The following MIGA1 variants were observed in gnomAD, a reference collection of about 807,000 sequenced individuals.
MIGA1 encodes the protein mitoguardin 1, also known as family with sequence similarity 73, member A.
In MIGA1, 58 loss-of-function variants were observed where a neutral mutation model predicts 82.0. The observed-to-expected ratio is 0.71, with a 90% CI of 0.57 to 0.88. MIGA1 has a LOEUF of 0.88. Ranked by LOEUF, MIGA1 falls within the 40% of genes least tolerant of loss-of-function variation. The pLI, the probability that MIGA1 is intolerant of heterozygous loss-of-function variation, is 0.00. For missense variants in MIGA1, 751 were observed against 749.1 expected (o/e 1.00, Z -0.03); for synonymous variants, 249 against 253.6 (o/e 0.98, Z 0.17).
rs1646914463 is a variant in MIGA1 at position 77,878,837 on chromosome 1, T to C, written c.*3773T>C. Reference sequence around the variant, plus strand: ...AGTTTTCCATACTGTCACAGTAAGCTCCAAAGAACTTTGTCTTTCTCATAA... The same window carrying C: ...AGTTTTCCATACTGTCACAGTAAGCCCCAAAGAACTTTGTCTTTCTCATAA... On this transcript the variant is annotated 3_prime_UTR_variant, in exon 16 of 16. Coordinates refer to ENST00000370791, the MANE Select transcript of MIGA1 (RefSeq NM_198549.4). 1.0e-5 allele frequency: 4 copies of C among 381,036 alleles called. No individual in the cohort carries two copies. The highest frequency in any genetic ancestry group is 6.7e-4 in the Middle Eastern group (1 of 1,486). The allele number at this position is 381,036 out of a possible 1,614,324, so 23.6% of individuals were successfully genotyped here. A position where few individuals can be genotyped will look rare whatever the true frequency, so the allele number is the denominator to read the frequency against.
chr1:77,787,631 T>A (rs1275447549), intron 2 of MIGA1, among the ~76,000 whole-genome samples: 3 of 151,988 alleles, frequency 2.0e-5, no homozygotes, highest in Non-Finnish European at 1.5e-5. Context: ...TCAGGTGATC[T>A]GCCCGCCTCC....
At chr1:77,851,141 G>T (rs1193499935) in intron 8 of MIGA1, among the ~76,000 whole-genome samples, 1 of 152,120 alleles carries the variant, frequency 6.6e-6, no homozygotes, top group African/African-American at 2.4e-5. Flanking sequence ...AAAGTGCTAG[G>T]ATTACAGGCA....
chr1:77,813,925 T>C, intron 6 of MIGA1, 58 bp downstream of exon 6: 1 of 1,589,608 alleles, frequency 6.3e-7, no homozygotes, highest in Non-Finnish European at 8.6e-7. Context: ...ACTTTTTTTT[T>C]GTTTTTTTGG....
At chr1:77,821,164 C>G (rs1318948402) in intron 7 of MIGA1, among the ~76,000 whole-genome samples, 1 of 151,598 alleles carries the variant, frequency 6.6e-6, no homozygotes, top group Non-Finnish European at 1.5e-5. Flanking sequence ...AAATTCTGGA[C>G]ATTATAATAA....
At chr1:77,804,701 C>T (rs1368712979) in intron 4 of MIGA1, among the ~76,000 whole-genome samples, 2 of 151,340 alleles carry the variant, frequency 1.3e-5, no homozygotes, top group Non-Finnish European at 2.9e-5. Flanking sequence ...TGGAACTCAG[C>T]TCATTGCAAC....
chr1:77,817,132 C>A (rs1199021325), intron 7 of MIGA1, among the ~76,000 whole-genome samples: 1 of 152,072 alleles, frequency 6.6e-6, no homozygotes, highest in Non-Finnish European at 1.5e-5. Flanking sequence ...CATGCCTGGG[C>A]ACATTTTTTC....
chr1:77,877,552 C>G lies in MIGA1; in HGVS notation c.*2488C>G, dbSNP rs1646903614. On this transcript the variant is annotated 3_prime_UTR_variant, in exon 16 of 16. Coordinates refer to ENST00000370791, the MANE Select transcript of MIGA1 (RefSeq NM_198549.4). ...TTGCGGTATCTTTGGCCTTCACACA[C>G]ACATGTGTGCGTGCACGTGCATTTC... is the stretch of plus-strand genomic sequence containing the variant. 1 of 152,532 alleles carries G rather than the reference C, an allele frequency of 6.6e-6. No individual in the cohort carries two copies. Among genetic ancestry groups the G allele is most frequent in the South Asian group, 2.1e-4 (1 of 4,832 alleles). The allele number at this position is 152,532 out of a possible 1,614,324, so 9.4% of individuals were successfully genotyped here.
intron 4 of MIGA1, among the ~76,000 whole-genome samples, chr1:77,806,273 A>C (rs905432377): frequency 4.6e-5 from 7 of 152,226 alleles, no homozygotes; most frequent in Non-Finnish European, 1.0e-4. Context: ...GAACATAGAA[A>C]AAGTACAGTA....
At chr1:77,869,941 G>C (rs1229116461) in intron 14 of MIGA1, among the ~76,000 whole-genome samples, 1 of 134,718 alleles carries the variant, frequency 7.4e-6, no homozygotes, top group African/African-American at 2.8e-5. Context: ...CCTCCCGGAC[G>C]GGGCGGCTGG....
At chr1:77,808,400 C>CTACA (rs963878557) in intron 5 of MIGA1, among the ~76,000 whole-genome samples, 3 of 152,134 alleles carry the variant, frequency 2.0e-5, no homozygotes, top group African/African-American at 7.2e-5. Flanking sequence ...ATTCAGCCTA[C>CTACA]TACACTATCT....
At chr1:77,810,733 C>G (rs1182477651) in intron 5 of MIGA1, 3 of 1,074,990 alleles carry the variant, frequency 2.8e-6, no homozygotes, top group Non-Finnish European at 4.0e-6. Flanking sequence ...GCATTGGACT[C>G]CGTCCGGCCT....
chr1:77,864,038 G>A lies in MIGA1; in HGVS notation c.1509+10G>A. 1 of 1,604,422 alleles carries A rather than the reference G, an allele frequency of 6.2e-7. No individual in the cohort carries two copies. Among genetic ancestry groups the A allele is most frequent in the Non-Finnish European group, 8.5e-7 (1 of 1,177,690 alleles). Reference sequence around the variant, plus strand: ...ATCCTTCAAAGAAACAGTAAGTGGTGGTTAACCTTTCTCAGCCTTTTAAGT... The same window carrying A: ...ATCCTTCAAAGAAACAGTAAGTGGTAGTTAACCTTTCTCAGCCTTTTAAGT... On this transcript the variant is annotated intron_variant, in intron 13 of 15. Transcript: ENST00000370791.
intron 12 of MIGA1, among the ~76,000 whole-genome samples, chr1:77,862,947 A>G (rs1305025843): frequency 7.5e-6 from 1 of 133,138 alleles, no homozygotes; most frequent in Admixed American, 7.6e-5. Flanking sequence ...TCTCAGAAGC[A>G]AAAAAAAAAA....
Position 77,783,257 on chromosome 1 carries a change from CAG to C in MIGA1, c.103_104del (p.Glu35ArgfsTer5). The stretch of plus-strand genomic sequence containing the variant: ...ATGAAGATTAGAAGAGGAGCCATGT[CAG>C]AAGAAACAGTAAGTGAATCACAGTT... On this transcript the variant is annotated frameshift_variant, in exon 2 of 16. Transcript: ENST00000370791. LOFTEE classifies it high-confidence loss of function. 1.3e-6 allele frequency: 2 copies of C among 1,590,352 alleles called. No homozygotes were observed. Among genetic ancestry groups the C allele is most frequent in the Non-Finnish European group, 1.7e-6 (2 of 1,164,108 alleles).
chr1:77,866,514 C>G (rs935771346), intron 14 of MIGA1, 123 bp downstream of exon 14: 52 of 869,230 alleles, frequency 6.0e-5, no homozygotes, highest in Non-Finnish European at 9.4e-5. Context: ...GACTGTCCCT[C>G]AGGCTAGATG....
At chr1:77,870,992 A>G (rs868413158) in intron 14 of MIGA1, among the ~76,000 whole-genome samples, 4 of 150,642 alleles carry the variant, frequency 2.7e-5, no homozygotes, top group Admixed American at 6.6e-5. Flanking sequence ...AGGCTGAGGC[A>G]GGAGAATCAG....
chr1:77,811,743 G>T (rs976393815), intron 5 of MIGA1: 1 of 1,609,370 alleles, frequency 6.2e-7, no homozygotes, highest in African/African-American at 1.3e-5. Flanking sequence ...TAAAACTGGC[G>T]CCCCAGCGCT....
At chr1:77,853,665 CA>C in intron 8 of MIGA1, 1 of 219,978 alleles carries the variant, frequency 4.5e-6, no homozygotes, top group Non-Finnish European at 9.0e-6. Flanking sequence ...GCTGACCTGA[CA>C]AAAACAAACA....
At chr1:77,850,532 T>G (rs939338609) in intron 8 of MIGA1, among the ~76,000 whole-genome samples, 2 of 152,242 alleles carry the variant, frequency 1.3e-5, no homozygotes, top group Non-Finnish European at 2.9e-5. Context: ...TGGTCCACAT[T>G]AAAATAGAAC....
Sources: allele counts gnomAD v4.1 joint callset (sites outside exome capture counted in the v4.1 genomes callset), GRCh38; gene constraint gnomAD v4.1.1; transcripts MANE v1.5; gene names NCBI Gene and HGNC (gene_info 2026-07-23, HGNC 2026-07-21).